GABRB1: variants seen among roughly 807,000 people sequenced by gnomAD.
The protein encoded by GABRB1 is gamma-aminobutyric acid type A receptor subunit beta1, also known as gamma-aminobutyric acid receptor subunit beta-1.
Under a neutral mutation model 51.6 loss-of-function variants are expected in GABRB1, and 17 were observed. That is an observed-to-expected ratio of 0.33 (90% confidence interval 0.23 to 0.49). The LOEUF (loss-of-function observed/expected upper bound fraction) is 0.49. Ranked by LOEUF, GABRB1 falls within the 20% of genes least tolerant of loss-of-function variation. GABRB1 has a pLI of 0.99. For synonymous variants in GABRB1, 247 were observed against 218.9 expected, an observed-to-expected ratio of 1.13 and a Z score of -1.14; for missense variants, 410 against 600.6, an observed-to-expected ratio of 0.68 and a Z score of 3.32.
chr4:47,032,267 G>A, intron 2 of GABRB1, 150 bp from the exon 3 acceptor site: 1 of 807,478 alleles, frequency 1.2e-6, no homozygotes, highest in Non-Finnish European at 2.0e-6. Context: ...GCCCACACCT[G>A]TTTTCCCAGG....
chr4:47,043,804 T>G (rs1208892981), intron 3 of GABRB1, among the ~76,000 whole-genome samples: 1 of 152,078 alleles, frequency 6.6e-6, no homozygotes, highest in African/African-American at 2.4e-5. Flanking sequence ...ATGTCATTAT[T>G]AGAACTTGAT....
At chr4:47,259,811 T>C (rs1440930094) in intron 4 of GABRB1, among the ~76,000 whole-genome samples, 1 of 152,182 alleles carries the variant, frequency 6.6e-6, no homozygotes, top group Non-Finnish European at 1.5e-5. Flanking sequence ...ATTTCTCTAG[T>C]ATTCTCAACC....
intron 4 of GABRB1, among the ~76,000 whole-genome samples, chr4:47,255,077 T>C (rs986871363): frequency 6.6e-6 from 1 of 152,206 alleles, no homozygotes; most frequent in African/African-American, 2.4e-5. Flanking sequence ...GGTAATTGCT[T>C]TCTCTGTATT....
chr4:47,237,879 C>A (rs1721385586), intron 4 of GABRB1, among the ~76,000 whole-genome samples: 3 of 151,888 alleles, frequency 2.0e-5, no homozygotes, highest in Non-Finnish European at 4.4e-5. Flanking sequence ...TTTAAAAATA[C>A]ATTGATTCTT....
At chr4:47,380,572 C>A (rs1042306388) in intron 5 of GABRB1, among the ~76,000 whole-genome samples, 3 of 152,170 alleles carry the variant, frequency 2.0e-5, no homozygotes, top group African/African-American at 7.2e-5. Flanking sequence ...GTTTTACTAA[C>A]ATGAACTTCT....
chr4:47,383,219 A>G (rs1263029606), intron 5 of GABRB1, among the ~76,000 whole-genome samples: 3 of 152,210 alleles, frequency 2.0e-5, no homozygotes, highest in Non-Finnish European at 4.4e-5. Context: ...AAACCATGCC[A>G]TATTTGAAGA....
Position 47,246,337 on chromosome 4 carries a change from CATATATATATATATATATATATATATAT to C in GABRB1, c.462-73758_462-73731del, listed in dbSNP as rs60968247. Among the ~76,000 whole-genome samples, 282 of 53,336 alleles carry C rather than the reference CATATATATATATATATATATATATATAT, an allele frequency of 5.3e-3. 9 individuals are homozygous for C. Among genetic ancestry groups the C allele is most frequent in the South Asian group, 0.037 (43 of 1,148 alleles). The allele number at this position is 53,336 out of a possible 152,430, so 35.0% of individuals were successfully genotyped here. A position where few individuals can be genotyped will look rare whatever the true frequency, so the allele number is the denominator to read the frequency against. ...ACACACACACACACACACATATGTA[CATATATATATATATATATATATATATAT>C]ATATATATATATATATATATATATA... On this transcript the variant is annotated intron_variant, in intron 4 of 8. Coordinates refer to ENST00000295454, the MANE Select transcript of GABRB1 (RefSeq NM_000812.4).
intron 5 of GABRB1, among the ~76,000 whole-genome samples, chr4:47,386,257 A>G (rs893311180): frequency 6.6e-6 from 1 of 152,214 alleles, no homozygotes; most frequent in African/African-American, 2.4e-5. Flanking sequence ...CTGTCACCCA[A>G]GAAATTCCAA....
chr4:47,223,065 A>C (rs536552089), intron 4 of GABRB1, among the ~76,000 whole-genome samples: 3 of 152,210 alleles, frequency 2.0e-5, no homozygotes, highest in African/African-American at 7.2e-5. Flanking sequence ...CAATATCCCT[A>C]AGGCAATAAT....
chr4:47,392,338 C>CTTTTT (rs5858067), intron 5 of GABRB1, among the ~76,000 whole-genome samples: 3 of 130,852 alleles, frequency 2.3e-5, no homozygotes, highest in Admixed American at 7.9e-5. Flanking sequence ...TCCCTTCCAC[C>CTTTTT]TTTTTTTTTT....
intron 5 of GABRB1, among the ~76,000 whole-genome samples, chr4:47,393,710 T>C (rs774044225): frequency 6.6e-6 from 1 of 152,240 alleles, no homozygotes; most frequent in Non-Finnish European, 1.5e-5. Flanking sequence ...ATCCTATATG[T>C]TACTTCTTCT....
intron 3 of GABRB1, among the ~76,000 whole-genome samples, chr4:47,109,950 C>A (rs908200710): frequency 5.9e-5 from 9 of 152,104 alleles, no homozygotes; most frequent in African/African-American, 2.2e-4. Flanking sequence ...AAAAGTTCAA[C>A]ATTGTAGTGG....
intron 3 of GABRB1, among the ~76,000 whole-genome samples, chr4:47,159,379 C>T (rs1358834716): frequency 6.6e-6 from 1 of 152,038 alleles, no homozygotes; most frequent in East Asian, 1.9e-4. Context: ...AGCTTAAAAT[C>T]AAGCAGTTTT....
intron 3 of GABRB1, among the ~76,000 whole-genome samples, chr4:47,114,441 T>G (rs866474288): frequency 6.6e-6 from 1 of 152,194 alleles, no homozygotes; most frequent in Non-Finnish European, 1.5e-5. Flanking sequence ...ACCAGTGTGT[T>G]CATCCTCATC....
intron 1 of GABRB1, among the ~76,000 whole-genome samples, chr4:46,997,588 T>C (rs555489285): frequency 2.8e-4 from 42 of 152,134 alleles, no homozygotes; most frequent in African/African-American, 9.2e-4. Context: ...ATAAGTGAGA[T>C]CATTTCATAT....
intron 4 of GABRB1, among the ~76,000 whole-genome samples, chr4:47,196,765 A>G (rs1243286223): frequency 6.6e-6 from 1 of 152,272 alleles, no homozygotes; most frequent in East Asian, 1.9e-4. Flanking sequence ...TTATTAAAAT[A>G]AAAATTCAAG....
upstream of GABRB1, chr4:47,031,562 G>A (rs1157318805): frequency 9.4e-7 from 1 of 1,059,594 alleles, no homozygotes; most frequent in Non-Finnish European, 1.5e-6. Flanking sequence ...CGCATGCGCA[G>A]GTCCATTCGG....
intron 4 of GABRB1, among the ~76,000 whole-genome samples, chr4:47,186,871 A>G (rs1336006636): frequency 6.6e-5 from 10 of 151,922 alleles, no homozygotes; most frequent in Admixed American, 2.0e-4. Flanking sequence ...AAAGTGCTAG[A>G]CTTTATTCAG....
chr4:47,347,336 T>A lies in GABRB1; in HGVS notation c.544+27127T>A, dbSNP rs535413416. Among the ~76,000 whole-genome samples the A allele has an allele frequency of 1.1e-4, 17 of 152,134 alleles. No individual in the cohort carries two copies. In the South Asian group the frequency reaches 3.5e-3, roughly 32 times the overall value. ...AATAATAATGTTTATGCCATGTATTTCCCCCAAATGTGACTTCATTAATTC... is the reference window on the plus strand; with the variant it reads ...AATAATAATGTTTATGCCATGTATTACCCCCAAATGTGACTTCATTAATTC... On this transcript the variant is annotated intron_variant, in intron 5 of 8. Coordinates refer to ENST00000295454, the MANE Select transcript of GABRB1 (RefSeq NM_000812.4).
Sources: allele counts gnomAD v4.1 joint callset (sites outside exome capture counted in the v4.1 genomes callset), GRCh38; gene constraint gnomAD v4.1.1; transcripts MANE v1.5; gene names NCBI Gene and HGNC (gene_info 2026-07-23, HGNC 2026-07-21).